CARD14: variants seen among roughly 807,000 people sequenced by gnomAD.
CARD14 encodes the protein caspase recruitment domain family member 14, also known as caspase recruitment domain-containing protein 14.
Under a neutral mutation model 111.5 loss-of-function variants are expected in CARD14, and 107 were observed. The ratio of observed to expected loss-of-function variants is 0.96; its 90% CI spans 0.82 to 1.13. The LOEUF (loss-of-function observed/expected upper bound fraction) is 1.13. Among genes scored for constraint, CARD14 ranks in the 50% most tolerant of loss-of-function variants. The pLI is 0.00. For synonymous variants in CARD14, 617 were observed against 579.6 expected (o/e 1.06, Z -0.93); for missense variants, 1,322 against 1,362.3 (o/e 0.97, Z 0.47).
chr17:80,191,577 G>A, intron 11 of CARD14, 105 bp downstream of exon 11: 2 of 1,445,446 alleles, frequency 1.4e-6, no homozygotes, highest in East Asian at 4.7e-5. Context: ...GGGAGGACAG[G>A]CAGGGTCCCA....
intron 1 of CARD14, chr17:80,170,682 A>G (rs956355483): frequency 6.6e-6 from 1 of 151,968 alleles, no homozygotes; most frequent in African/African-American, 2.4e-5. Context: ...CACATCTTAG[A>G]TGCTCAGGAT....
chr17:80,208,264 G>A lies in CARD14; in HGVS notation c.2934G>A (p.Leu978=). 1.9e-6 allele frequency: 3 copies of A among 1,592,476 alleles called. No individual in the cohort carries two copies. The highest frequency in any genetic ancestry group is 2.6e-6 in the Non-Finnish European group (3 of 1,171,202). ...SSLAPDGWSD[L]DGLLSCVRQA... ...TGGCTCCTGACGGCTGGAGCGACCT[G>A]GACGGCCTGCTCAGCTGTGTCCGCC... Residue 978 remains leucine, a synonymous_variant, in exon 24 of 24, where the codon CTG becomes CTA. Coordinates refer to ENST00000648509, the MANE Select transcript of CARD14 (RefSeq NM_001366385.1).
rs1422028367 is a variant in CARD14, at chr17:80,182,236, C to T, written c.212-417C>T. On this transcript the variant is annotated intron_variant, in intron 5 of 23. Coordinates refer to ENST00000648509, the MANE Select transcript of CARD14 (RefSeq NM_001366385.1). The surrounding 1 kb of genome is among the most constrained non-coding windows in gnomAD (Gnocchi z 4.7). Reference sequence around the variant, plus strand: ...TCTCTGGGACCTGTCACCCGCAGCCCCGGGGTGCCACTCTGCTTTCTGTGC... The same window carrying T: ...TCTCTGGGACCTGTCACCCGCAGCCTCGGGGTGCCACTCTGCTTTCTGTGC... 6.6e-6 allele frequency among the ~76,000 whole-genome samples: 1 copy of T among 152,192 alleles called. No homozygotes were observed. Among genetic ancestry groups the T allele is most frequent in the Non-Finnish European group, 1.5e-5 (1 of 68,032 alleles).
At position 80,205,936 on chromosome 17, in the gene CARD14, C is replaced by T. The variant is rs181344037; in HGVS notation, c.2691+284C>T. On this transcript the variant is annotated intron_variant, in intron 22 of 23. Coordinates refer to ENST00000648509, the MANE Select transcript of CARD14 (RefSeq NM_001366385.1). ...AGAATGAATAAATCCGAGCTAACAA[C>T]ACTCTCCACGTTTGAAGGCGCAAAC... is the stretch of plus-strand genomic sequence containing the variant. The T allele has an allele frequency of 8.9e-5, 27 of 304,116 alleles. No homozygotes were observed. The Admixed American group carries it at 1.1e-3, about 12-fold the overall frequency. 18.8% of individuals were successfully genotyped at this position (304,116 alleles called of 1,614,324 possible). A position where few individuals can be genotyped will look rare whatever the true frequency, so the allele number is the denominator to read the frequency against.
chr17:80,181,767 T>TG (rs1466936626), intron 5 of CARD14, 118 bp downstream of exon 5: 2 of 955,694 alleles, frequency 2.1e-6, no homozygotes, highest in African/African-American at 3.3e-5. Flanking sequence ...AAACACTTGC[T>TG]GTTGCCTTTA....
Position 80,201,991 on chromosome 17 carries a change from C to G in CARD14, c.1978+121C>G, listed in dbSNP as rs2041002756. The G allele has an allele frequency of 2.2e-6, 3 of 1,367,696 alleles. No homozygotes were observed. The highest frequency in any genetic ancestry group is 4.6e-5 in the East Asian group (2 of 43,032). 84.7% of individuals were successfully genotyped at this position (1,367,696 alleles called of 1,614,324 possible). The stretch of plus-strand genomic sequence containing the variant: ...ACCCCCAGAGCCAAGAGAGGATCAG[C>G]CAGGCTGTGCCCCAGGTCCCCAGGA... On this transcript the variant is annotated intron_variant, in intron 17 of 23. Transcript: ENST00000648509. This position sits in a 1 kb window ranked among gnomAD's most constrained non-coding sequence, Gnocchi z 5.0.
Position 80,186,739 on chromosome 17 carries a change from G to A in CARD14, c.676-1638G>A, listed in dbSNP as rs539751930. Among the ~76,000 whole-genome samples the A allele has an allele frequency of 1.7e-4, 26 of 152,184 alleles. No homozygotes were observed. The East Asian group carries it at 4.4e-3, about 26-fold the overall frequency. ...AATTTTTCGTATTTTTAGTAGAGAC[G>A]GGGTTTTGCCATGTTGGCCAGGCTG... On this transcript the variant is annotated intron_variant, in intron 7 of 23. Coordinates refer to ENST00000648509, the MANE Select transcript of CARD14 (RefSeq NM_001366385.1).
At position 80,189,725 on chromosome 17, in the gene CARD14, A is replaced by G. The variant is rs767733441; in HGVS notation, c.844-28A>G. On this transcript the variant is annotated intron_variant, in intron 8 of 23. Transcript: ENST00000648509. The surrounding 1 kb of genome is among the most constrained non-coding windows in gnomAD (Gnocchi z 4.7). ...AGGGCAGGCCTCTGGGGAAGCCAGCACCCCAGGCTGACCTCTCTCTGCCCC... is the reference window on the plus strand; with the variant it reads ...AGGGCAGGCCTCTGGGGAAGCCAGCGCCCCAGGCTGACCTCTCTCTGCCCC... 2.0e-6 allele frequency: 3 copies of G among 1,532,338 alleles called. No homozygotes were observed. Among genetic ancestry groups the G allele is most frequent in the East Asian group, 2.5e-5 (1 of 39,382 alleles). 94.9% of individuals were successfully genotyped at this position (1,532,338 alleles called of 1,614,324 possible).
chr17:80,180,259 C>T (rs1482865771), intron 4 of CARD14, among the ~76,000 whole-genome samples: 2 of 152,174 alleles, frequency 1.3e-5, no homozygotes, highest in East Asian at 3.9e-4. Flanking sequence ...TAACGGCGAC[C>T]TGCTTCGTGT....
intron 12 of CARD14, 50 bp downstream of exon 12, chr17:80,192,669 C>G (rs367658012): frequency 7.3e-7 from 1 of 1,368,222 alleles, no homozygotes; most frequent in Non-Finnish European, 1.0e-6. Context: ...TCTGGGCCAG[C>G]CCAGGGGCCT....
At chr17:80,184,850 C>T (rs959803288) in intron 7 of CARD14, among the ~76,000 whole-genome samples, 9 of 149,816 alleles carry the variant, frequency 6.0e-5, no homozygotes, top group Admixed American at 1.3e-4. Flanking sequence ...TGGTCTCTGT[C>T]GTCCTCCTTT....
chr17:80,194,561 T>C (rs1423560581), intron 12 of CARD14, among the ~76,000 whole-genome samples: 2 of 152,366 alleles, frequency 1.3e-5, no homozygotes, highest in East Asian at 3.9e-4. Context: ...GATACCCACA[T>C]ACCTGAGACT....
Position 80,202,362 on chromosome 17 carries a change from G to T in CARD14, c.2161G>T (p.Val721Leu), listed in dbSNP as rs748083207. The T allele has an allele frequency of 6.2e-7, 1 of 1,613,352 alleles. No homozygotes were observed. The highest frequency in any genetic ancestry group is 8.5e-7 in the Non-Finnish European group (1 of 1,180,030). Residue 721 changes from valine to leucine, a missense_variant, in exon 18 of 24, where the codon GTG becomes TTG. By Grantham distance (32) the Val-to-Leu change is conservative. Transcript: ENST00000648509. ...CTGCGGCTGCTGGCATGCCCACCGC[G>T]TGAACTCTTACACCATGAAGGATAC... ...QGCGCWHAHRVNSYTMKDTAA... is the reference protein window; with the variant it reads ...QGCGCWHAHRLNSYTMKDTAA...
At chr17:80,181,707 A>G in intron 5 of CARD14, 58 bp downstream of exon 5, 2 of 1,449,196 alleles carry the variant, frequency 1.4e-6, no homozygotes, top group African/African-American at 1.4e-5. Context: ...ACATGGCTCC[A>G]CTGTCTGCCT....
Position 80,182,536 on chromosome 17 carries a change from C to G in CARD14, c.212-117C>G. ...AGAAAACCGCTTTCACCTCCCGATTCTTACATGTGCGGGGGGTTTCCCAGC... is the reference window on the plus strand; with the variant it reads ...AGAAAACCGCTTTCACCTCCCGATTGTTACATGTGCGGGGGGTTTCCCAGC... On this transcript the variant is annotated intron_variant, in intron 5 of 23. Coordinates refer to ENST00000648509, the MANE Select transcript of CARD14 (RefSeq NM_001366385.1). The surrounding 1 kb of genome is among the most constrained non-coding windows in gnomAD (Gnocchi z 4.7). 1 of 1,250,222 alleles carries G rather than the reference C, an allele frequency of 8.0e-7. No individual in the cohort carries two copies. The highest frequency in any genetic ancestry group is 1.1e-6 in the Non-Finnish European group (1 of 905,370). The allele number at this position is 1,250,222 out of a possible 1,614,324, so 77.4% of individuals were successfully genotyped here. A position where few individuals can be genotyped will look rare whatever the true frequency, so the allele number is the denominator to read the frequency against.
Position 80,203,680 on chromosome 17 carries a change from C to A in CARD14, c.2220-142C>A. On this transcript the variant is annotated intron_variant, in intron 18 of 23. Transcript: ENST00000648509. The surrounding 1 kb of genome is among the most constrained non-coding windows in gnomAD (Gnocchi z 4.6). ...CGCCAGGATGGAGCGCTCCAGCCTG[C>A]AGCAAAGGGATGTGTGGAGCTCTAG... is the stretch of plus-strand genomic sequence containing the variant. 1.6e-6 allele frequency: 1 copy of A among 610,472 alleles called. No homozygotes were observed. Among genetic ancestry groups the A allele is most frequent in the Non-Finnish European group, 2.9e-6 (1 of 343,926 alleles). 37.8% of individuals were successfully genotyped at this position (610,472 alleles called of 1,614,324 possible). A position where few individuals can be genotyped will look rare whatever the true frequency, so the allele number is the denominator to read the frequency against.
chr17:80,194,279 TG>T (rs2040632602), intron 12 of CARD14, among the ~76,000 whole-genome samples: 1 of 152,104 alleles, frequency 6.6e-6, no homozygotes, highest in Non-Finnish European at 1.5e-5. Flanking sequence ...GGTCCACGGG[TG>T]CCCGTTGGTT....
At position 80,203,668 on chromosome 17, in the gene CARD14, C is replaced by A. The variant is rs2041113379; in HGVS notation, c.2220-154C>A. 2 of 570,112 alleles carry A rather than the reference C, an allele frequency of 3.5e-6. No individual in the cohort carries two copies. The highest frequency in any genetic ancestry group is 3.1e-6 in the Non-Finnish European group (1 of 319,076). The allele number at this position is 570,112 out of a possible 1,614,324, so 35.3% of individuals were successfully genotyped here. On this transcript the variant is annotated intron_variant, in intron 18 of 23. Transcript: ENST00000648509. This position sits in a 1 kb window ranked among gnomAD's most constrained non-coding sequence, Gnocchi z 4.6. ...GACTGGCATGGCCGCCAGGATGGAG[C>A]GCTCCAGCCTGCAGCAAAGGGATGT...
At position 80,199,468 on chromosome 17, in the gene CARD14, T is replaced by A. The variant is rs141330366; in HGVS notation, c.1851+877T>A. Among the ~76,000 whole-genome samples, 1,010 of 147,266 alleles carry A rather than the reference T, an allele frequency of 6.9e-3. 16 individuals are homozygous for A. Among genetic ancestry groups the A allele is most frequent in the African/African-American group, 0.024 (965 of 39,588 alleles). The stretch of plus-strand genomic sequence containing the variant: ...AGTGGTACATGCCTGTAGTCCTAGC[T>A]ACTCAGATGCCTGAGCCCAGGAGAT... On this transcript the variant is annotated intron_variant, in intron 16 of 23. Coordinates refer to ENST00000648509, the MANE Select transcript of CARD14 (RefSeq NM_001366385.1).
Sources: gnomAD v4.1 joint callset for allele counts (sites outside exome capture counted in the v4.1 genomes callset) on GRCh38, gnomAD v4.1.1 for gene constraint, Gnocchi (gnomAD v3.1) non-coding constraint, MANE v1.5 for transcripts, NCBI Gene and HGNC (gene_info 2026-07-23, HGNC 2026-07-21) for gene names.